Variants in LDB2 observed in about 807,000 individuals in gnomAD.
LDB2 encodes LIM domain binding 2, also known as LIM domain-binding protein 2.
Under a neutral mutation model 44.3 loss-of-function variants are expected in LDB2, and 12 were observed. That is an observed-to-expected ratio of 0.27 (90% CI 0.17 to 0.44). The LOEUF is 0.44. LDB2 is among the 20% of genes least tolerant of loss of function. The pLI is 1.00. For synonymous variants in LDB2, 164 were observed against 174.8 expected, an observed-to-expected ratio of 0.94 and a Z score of 0.49; for missense variants, 344 against 473.5, an observed-to-expected ratio of 0.73 and a Z score of 2.54.
Position 16,658,005 on chromosome 4 carries a change from C to T in LDB2, c.236-62130G>A, listed in dbSNP as rs576355250. 2.0e-4 allele frequency among the ~76,000 whole-genome samples: 31 copies of T among 152,218 alleles called. No homozygotes were observed. In the South Asian group the frequency reaches 5.4e-3, roughly 26 times the overall value. ...AATTTATCTACAAATAAGTCACTGT[C>T]GCAATTTTATGTTACGAGTATATTG... On this transcript the variant is annotated intron_variant, in intron 2 of 7. Coordinates refer to ENST00000304523, the MANE Select transcript of LDB2 (RefSeq NM_001290.5).
At chr4:16,505,460 T>C (rs1348863677) in intron 7 of LDB2, among the ~76,000 whole-genome samples, 1 of 152,146 alleles carries the variant, frequency 6.6e-6, no homozygotes, top group East Asian at 1.9e-4. Flanking sequence ...CTTAAAAATT[T>C]ATGTGCATGT....
chr4:16,536,091 G>A (rs376039946), intron 5 of LDB2, among the ~76,000 whole-genome samples: 3 of 152,272 alleles, frequency 2.0e-5, no homozygotes, highest in Admixed American at 6.5e-5. Flanking sequence ...GGCCACAAAC[G>A]GTAAGGGGAA....
At chr4:16,515,493 T>C (rs184361162) in intron 5 of LDB2, among the ~76,000 whole-genome samples, 608 of 152,318 alleles carry the variant, frequency 4.0e-3, no homozygotes, top group Non-Finnish European at 5.3e-3. Flanking sequence ...TTCATTGCCT[T>C]TCCAAGCCAT....
In LDB2 at chr4:16,586,838, A is replaced by G. The variant is rs1578012613; in HGVS notation, c.532-833T>C. Among the ~76,000 whole-genome samples, 3 of 152,262 alleles carry G rather than the reference A, an allele frequency of 2.0e-5. No homozygotes were observed. The East Asian group carries it at 5.8e-4, about 29-fold the overall frequency. On this transcript the variant is annotated intron_variant, in intron 4 of 7. Coordinates refer to ENST00000304523, the MANE Select transcript of LDB2 (RefSeq NM_001290.5). ...CTTCTTCCTTAATTGATATAAGCAA[A>G]TTGGCACTAAACAGAGGGAGATGGA...
At chr4:16,897,678 G>C (rs1035951121) in intron 1 of LDB2, among the ~76,000 whole-genome samples, 2 of 151,732 alleles carry the variant, frequency 1.3e-5, no homozygotes, top group Admixed American at 6.6e-5. Flanking sequence ...GTGATAGGGG[G>C]GCACGGCCGA....
chr4:16,746,871 A>G (rs553205716), intron 2 of LDB2, among the ~76,000 whole-genome samples: 56 of 152,342 alleles, frequency 3.7e-4, no homozygotes, highest in Non-Finnish European at 6.3e-4. Flanking sequence ...GGAATGGGTC[A>G]TCTTCTCCTC....
At chr4:16,710,304 C>T (rs1369723789) in intron 2 of LDB2, among the ~76,000 whole-genome samples, 2 of 152,252 alleles carry the variant, frequency 1.3e-5, no homozygotes, top group Admixed American at 1.3e-4. Context: ...AAGGGATGGC[C>T]ATGAATACAT....
intron 1 of LDB2, among the ~76,000 whole-genome samples, chr4:16,779,920 T>G (rs1772796596): frequency 6.6e-6 from 1 of 152,262 alleles, no homozygotes; most frequent in African/African-American, 2.4e-5. Context: ...AGATCTTCTT[T>G]CTTTTCTGTA....
intron 1 of LDB2, among the ~76,000 whole-genome samples, chr4:16,844,673 T>A (rs181664337): frequency 3.3e-5 from 5 of 152,304 alleles, no homozygotes; most frequent in Admixed American, 2.6e-4. Flanking sequence ...TCATCTTGTT[T>A]CGTTTGTTTT....
At chr4:16,601,830 T>C (rs1722645803) in intron 2 of LDB2, among the ~76,000 whole-genome samples, 1 of 152,140 alleles carries the variant, frequency 6.6e-6, no homozygotes. Context: ...TATGCTGACA[T>C]ACAAATGAAT....
At chr4:16,853,148 T>A (rs916225815) in intron 1 of LDB2, among the ~76,000 whole-genome samples, 2 of 152,226 alleles carry the variant, frequency 1.3e-5, no homozygotes, top group African/African-American at 2.4e-5. Context: ...TGTTTTTTAA[T>A]TTTTAAATTT....
intron 1 of LDB2, among the ~76,000 whole-genome samples, chr4:16,888,347 G>A (rs1010352546): frequency 6.6e-6 from 1 of 152,164 alleles, no homozygotes; most frequent in Non-Finnish European, 1.5e-5. Flanking sequence ...CCAACAAAAC[G>A]GAGTACACAT....
intron 2 of LDB2, among the ~76,000 whole-genome samples, chr4:16,680,095 T>C (rs535892789): frequency 1.3e-5 from 2 of 152,184 alleles, no homozygotes; most frequent in South Asian, 4.1e-4. Context: ...CCCTCGTGAA[T>C]AGGATTAGTG....
At chr4:16,783,905 A>C (rs1334062711) in intron 1 of LDB2, among the ~76,000 whole-genome samples, 1 of 152,114 alleles carries the variant, frequency 6.6e-6, no homozygotes, top group Admixed American at 6.5e-5. Context: ...TTTGTGCTAG[A>C]ATTGCTCTCC....
intron 1 of LDB2, among the ~76,000 whole-genome samples, chr4:16,816,784 C>G (rs1009298630): frequency 5.3e-5 from 8 of 152,144 alleles, no homozygotes; most frequent in Non-Finnish European, 8.8e-5. Context: ...ACAAGAAGGG[C>G]ACAGCCAAAT....
At chr4:16,742,921 C>G (rs1763619204) in intron 2 of LDB2, among the ~76,000 whole-genome samples, 1 of 152,174 alleles carries the variant, frequency 6.6e-6, no homozygotes. Context: ...ATTGCCTCTG[C>G]CATGCCTCCC....
chr4:16,749,587 AAAAT>A (rs1561091962), intron 2 of LDB2, among the ~76,000 whole-genome samples: 10 of 145,446 alleles, frequency 6.9e-5, no homozygotes, highest in African/African-American at 2.5e-4. Flanking sequence ...AAAATAAAAA[AAAAT>A]ATATATATAT....
intron 1 of LDB2, among the ~76,000 whole-genome samples, chr4:16,834,933 T>C (rs1784659239): frequency 6.6e-6 from 1 of 152,134 alleles, no homozygotes; most frequent in Non-Finnish European, 1.5e-5. Context: ...GAATTATTGG[T>C]TGAACAACAG....
intron 1 of LDB2, among the ~76,000 whole-genome samples, chr4:16,882,569 T>C (rs1720472350): frequency 6.6e-6 from 1 of 152,172 alleles, no homozygotes; most frequent in Non-Finnish European, 1.5e-5. Flanking sequence ...GGTAATATTA[T>C]ATAGGGTTAA....
Sources: gnomAD v4.1 joint callset for allele counts (sites outside exome capture counted in the v4.1 genomes callset) on GRCh38, gnomAD v4.1.1 for gene constraint, MANE v1.5 for transcripts, NCBI Gene and HGNC (gene_info 2026-07-23, HGNC 2026-07-21) for gene names.